Variants in KCNK5 observed in about 807,000 individuals in gnomAD.
KCNK5 encodes potassium channel subfamily K member 5.
Under a neutral mutation model 32.9 loss-of-function variants are expected in KCNK5, and 18 were observed. That is an observed-to-expected ratio of 0.55 (90% CI 0.38 to 0.81). The LOEUF is 0.81. Among genes scored for constraint, KCNK5 ranks in the 30% least tolerant of loss-of-function variants. The pLI, the probability that KCNK5 is intolerant of heterozygous loss-of-function variation, is 0.00. For synonymous variants in KCNK5, 276 were observed against 275.3 expected, an observed-to-expected ratio of 1.00 and a Z score of -0.03; for missense variants, 507 against 651.0, an observed-to-expected ratio of 0.78 and a Z score of 2.41.
intron 2 of KCNK5, 131 bp downstream of exon 2, chr6:39,195,745 A>G (rs1052409947): frequency 5.1e-5 from 30 of 590,402 alleles, no homozygotes; most frequent in African/African-American, 1.9e-4. Context: ...CTAAGAAAGT[A>G]TCAAAAGAAT....
intron 1 of KCNK5, among the ~76,000 whole-genome samples, chr6:39,228,558 A>G (rs1413695617): frequency 2.6e-5 from 4 of 152,166 alleles, no homozygotes; most frequent in Non-Finnish European, 5.9e-5. Context: ...CTTGGCTCCC[A>G]GACTCCGGGA....
intron 1 of KCNK5, among the ~76,000 whole-genome samples, chr6:39,227,391 C>G (rs371730849): frequency 2.0e-5 from 3 of 152,248 alleles, no homozygotes; most frequent in African/African-American, 7.2e-5. Context: ...AACACACCCC[C>G]CAGGGTAGAC....
intron 1 of KCNK5, among the ~76,000 whole-genome samples, chr6:39,213,003 T>C (rs1410564573): frequency 1.3e-5 from 2 of 152,180 alleles, no homozygotes; most frequent in Non-Finnish European, 2.9e-5. Flanking sequence ...TCCAGGTTGG[T>C]ATCCTTGGAG....
In KCNK5 at chr6:39,190,893, T is replaced by A; in HGVS notation, c.1497A>T (p.Thr499=). The change falls in exon 5 of 5, where the codon ACA becomes ACT. Residue 499 remains threonine, a synonymous_variant. Coordinates refer to ENST00000359534, the MANE Select transcript of KCNK5 (RefSeq NM_003740.4). ...EYNKANSPKG[T] The stretch of plus-strand genomic sequence containing the variant: ...GGGGTGGGGAGCCGGCCCTGCCTCA[T>A]GTGCCCTTGGGGCTGTTAGCCTTGT... 6.8e-7 allele frequency: 1 copy of A among 1,467,420 alleles called. No homozygotes were observed. Among genetic ancestry groups the A allele is most frequent in the Non-Finnish European group, 9.0e-7 (1 of 1,108,308 alleles). 90.9% of individuals were successfully genotyped at this position (1,467,420 alleles called of 1,614,324 possible). A position where few individuals can be genotyped will look rare whatever the true frequency, so the allele number is the denominator to read the frequency against.
At chr6:39,202,612 G>A (rs905947877) in intron 1 of KCNK5, among the ~76,000 whole-genome samples, 1 of 152,192 alleles carries the variant, frequency 6.6e-6, no homozygotes, top group African/African-American at 2.4e-5. Context: ...GAAACTCCAC[G>A]AGGGCAGTAA....
rs547029160 is a variant in KCNK5 at position 39,190,251 on chromosome 6, T to G, written c.*639A>C. ...GAGGACCCCAGGCCCCAGGCCCACA[T>G]AGGACTTGTTTCCAGGCCCTGTGAG... is the stretch of plus-strand genomic sequence containing the variant. On this transcript the variant is annotated 3_prime_UTR_variant, in exon 5 of 5. Coordinates refer to ENST00000359534, the MANE Select transcript of KCNK5 (RefSeq NM_003740.4). 2 of 152,320 alleles carry G rather than the reference T, an allele frequency of 1.3e-5. No individual in the cohort carries two copies. The highest frequency in any genetic ancestry group is 4.8e-5 in the African/African-American group (2 of 41,352). 9.4% of individuals were successfully genotyped at this position (152,320 alleles called of 1,614,324 possible).
In KCNK5 at chr6:39,194,058, A is replaced by G; in HGVS notation, c.634+111T>C. On this transcript the variant is annotated intron_variant, in intron 4 of 4. Transcript: ENST00000359534. This position sits in a 1 kb window ranked among gnomAD's most constrained non-coding sequence, Gnocchi z 4.7. The stretch of plus-strand genomic sequence containing the variant: ...GAGTGGGTTGAGAATCCCACTGGGT[A>G]AGAGAAGTGCCCAGAACATGGAACC... 3 of 1,162,814 alleles carry G rather than the reference A, an allele frequency of 2.6e-6. No individual in the cohort carries two copies. Among genetic ancestry groups the G allele is most frequent in the Non-Finnish European group, 3.8e-6 (3 of 786,062 alleles). The allele number at this position is 1,162,814 out of a possible 1,614,324, so 72.0% of individuals were successfully genotyped here.
chr6:39,199,378 C>A (rs1771088685), intron 1 of KCNK5, among the ~76,000 whole-genome samples: 2 of 152,166 alleles, frequency 1.3e-5, no homozygotes, highest in South Asian at 4.1e-4. Flanking sequence ...GATGGTGTGC[C>A]CTTTGGGGAC....
At chr6:39,195,838 C>T in intron 2 of KCNK5, 38 bp downstream of exon 2, 1 of 1,485,640 alleles carries the variant, frequency 6.7e-7, no homozygotes, top group Non-Finnish European at 9.4e-7. Context: ...GGAGCTAGGG[C>T]ATGGATGTGG....
intron 1 of KCNK5, among the ~76,000 whole-genome samples, chr6:39,226,805 A>G (rs895532644): frequency 1.3e-5 from 2 of 152,152 alleles, no homozygotes; most frequent in African/African-American, 2.4e-5. Context: ...GGTTTTTCCT[A>G]TGACGGGAAG....
At chr6:39,210,792 G>T (rs1222235530) in intron 1 of KCNK5, among the ~76,000 whole-genome samples, 1 of 152,172 alleles carries the variant, frequency 6.6e-6, no homozygotes, top group Non-Finnish European at 1.5e-5. Context: ...CAACAGCGAG[G>T]CCAGGACAGT....
At chr6:39,205,989 T>C (rs2113787431) in intron 1 of KCNK5, among the ~76,000 whole-genome samples, 1 of 152,294 alleles carries the variant, frequency 6.6e-6, no homozygotes, top group East Asian at 1.9e-4. Flanking sequence ...CTCACACCCA[T>C]AACTCCTCTT....
chr6:39,217,118 C>CAAAAAAA (rs57204833), intron 1 of KCNK5, among the ~76,000 whole-genome samples: 2,440 of 73,898 alleles, frequency 0.033, 85 homozygotes, highest in Non-Finnish European at 0.04. Flanking sequence ...AAAACTCCAT[C>CAAAAAAA]AAAAAAAAAA....
intron 1 of KCNK5, among the ~76,000 whole-genome samples, chr6:39,203,949 G>A (rs942715791): frequency 1.3e-5 from 2 of 152,214 alleles, no homozygotes; most frequent in African/African-American, 4.8e-5. Flanking sequence ...AGGTGACCAG[G>A]GTGTGGCTCG....
At chr6:39,199,941 G>A (rs572968446) in intron 1 of KCNK5, among the ~76,000 whole-genome samples, 3 of 152,314 alleles carry the variant, frequency 2.0e-5, no homozygotes, top group Admixed American at 2.0e-4. Context: ...ATGTGAATTT[G>A]GGGTGCTAGC....
chr6:39,206,852 A>C (rs772120892), intron 1 of KCNK5, among the ~76,000 whole-genome samples: 1 of 152,214 alleles, frequency 6.6e-6, no homozygotes, highest in Admixed American at 6.5e-5. Context: ...TTACAAAAAA[A>C]TGATGAACAG....
chr6:39,200,254 T>C (rs963246629), intron 1 of KCNK5, among the ~76,000 whole-genome samples: 14 of 152,096 alleles, frequency 9.2e-5, no homozygotes, highest in Admixed American at 6.5e-5. Flanking sequence ...CATACAAGCC[T>C]GGAGAGTAAT....
At chr6:39,223,546 A>G (rs1356676355) in intron 1 of KCNK5, among the ~76,000 whole-genome samples, 12 of 152,094 alleles carry the variant, frequency 7.9e-5, no homozygotes, top group Non-Finnish European at 2.9e-5. Flanking sequence ...CTCCTACCTC[A>G]CTTCTCTGTA....
chr6:39,196,395 C>T (rs530233365), intron 1 of KCNK5, among the ~76,000 whole-genome samples: 2 of 152,296 alleles, frequency 1.3e-5, no homozygotes, highest in South Asian at 2.1e-4. Context: ...AACCACTGCA[C>T]TAGATTAATT....
Sources: allele counts gnomAD v4.1 joint callset (sites outside exome capture counted in the v4.1 genomes callset), GRCh38; gene constraint gnomAD v4.1.1; non-coding constraint Gnocchi (gnomAD v3.1); transcripts MANE v1.5; gene names NCBI Gene and HGNC (gene_info 2026-07-23, HGNC 2026-07-21).